The following SLC52A3 variants were observed in gnomAD, a reference collection of about 807,000 sequenced individuals.
SLC52A3 encodes the protein solute carrier family 52 member 3, also known as solute carrier family 52, riboflavin transporter, member 3.
Under a neutral mutation model 29.5 loss-of-function variants are expected in SLC52A3, and 20 were observed. That is an observed-to-expected ratio of 0.68 (90% CI 0.48 to 0.99). SLC52A3 has a LOEUF of 0.99. Among genes scored for constraint, SLC52A3 ranks in the 50% least tolerant of loss-of-function variants. SLC52A3 has a pLI of 0.00. For missense variants in SLC52A3, 548 were observed against 612.9 expected (o/e 0.89, Z 1.12); for synonymous variants, 301 against 271.0 (o/e 1.11, Z -1.09).
upstream of SLC52A3, among the ~76,000 whole-genome samples, chr20:772,753 A>G (rs1450132970): frequency 6.6e-6 from 1 of 152,236 alleles, no homozygotes; most frequent in East Asian, 1.9e-4. Flanking sequence ...AATAAAAAAC[A>G]GAAACATAGA....
At chr20:770,279 C>T (rs549856419), upstream of SLC52A3, among the ~76,000 whole-genome samples, 2 of 151,836 alleles carry the variant, frequency 1.3e-5, no homozygotes, top group Non-Finnish European at 2.9e-5. The surrounding 1 kb of genome is among the most constrained non-coding windows in gnomAD (Gnocchi z 4.5). Flanking sequence ...GCCTCAGTCT[C>T]CTTAGTAGCT....
upstream of SLC52A3, among the ~76,000 whole-genome samples, chr20:770,572 C>T (rs903404017): frequency 3.3e-5 from 5 of 152,180 alleles, no homozygotes; most frequent in African/African-American, 4.8e-5. The surrounding 1 kb of genome is among the most constrained non-coding windows in gnomAD (Gnocchi z 4.5). Context: ...ATTCATCAAA[C>T]GAATCTTTGG....
chr20:770,089 C>T (rs1268872663), upstream of SLC52A3, among the ~76,000 whole-genome samples: 1 of 151,842 alleles, frequency 6.6e-6, no homozygotes, highest in Non-Finnish European at 1.5e-5. This position sits in a 1 kb window ranked among gnomAD's most constrained non-coding sequence, Gnocchi z 4.5. Context: ...CAGCTCGTTG[C>T]CAGCACTCAT....
At chr20:775,064 T>A (rs1568734584) in intron 1 of SLC52A3, among the ~76,000 whole-genome samples, 1 of 152,090 alleles carries the variant, frequency 6.6e-6, no homozygotes, top group Non-Finnish European at 1.5e-5. Flanking sequence ...TCTTCCCCCT[T>A]CTCCTCCCTC....
rs755699363 is a variant in SLC52A3, at chr20:760,828, T to C, written c.*198A>G. ...GGAGATCTGAGCTGGTCGTCACAGG[T>C]AGTGTGACACAGAGTTGGGGATAGA... On this transcript the variant is annotated 3_prime_UTR_variant, in exon 5 of 5. Coordinates refer to ENST00000645534, the MANE Select transcript of SLC52A3 (RefSeq NM_033409.4). This position sits in a 1 kb window ranked among gnomAD's most constrained non-coding sequence, Gnocchi z 4.9. 1.3e-5 allele frequency: 8 copies of C among 606,346 alleles called. No individual in the cohort carries two copies. The highest frequency in any genetic ancestry group is 1.8e-5 in the Non-Finnish European group (6 of 342,178). 37.6% of individuals were successfully genotyped at this position (606,346 alleles called of 1,614,324 possible). A position where few individuals can be genotyped will look rare whatever the true frequency, so the allele number is the denominator to read the frequency against.
rs1418663109 is a variant in SLC52A3 at position 763,953 on chromosome 20, C to T, written c.618G>A (p.Leu206=). 2.5e-6 allele frequency: 4 copies of T among 1,611,256 alleles called. No individual in the cohort carries two copies. In the Admixed American group the frequency reaches 5.0e-5, roughly 20 times the overall value. Residue 206 remains leucine (L), a synonymous_variant, in exon 3 of 5, where the codon TTG becomes TTA. Coordinates refer to ENST00000645534, the MANE Select transcript of SLC52A3 (RefSeq NM_033409.4). ...GAAGGTAGCGGCTCTCCAGGTGGGACAAGGGTGCTTCCATTCCGGGGAGGG... is the reference window on the plus strand; with the variant it reads ...GAAGGTAGCGGCTCTCCAGGTGGGATAAGGGTGCTTCCATTCCGGGGAGGG... ...VSALPGMEAP[L]SHLESRYLPA...
Position 764,230 on chromosome 20 carries a change from G to A in SLC52A3, c.568-227C>T, listed in dbSNP as rs6140117. Among the ~76,000 whole-genome samples, 85,170 of 152,130 alleles carry A rather than the reference G, an allele frequency of 0.56. 25,021 individuals carry two copies. Among genetic ancestry groups the A allele is most frequent in the East Asian group, 0.78 (4,053 of 5,174 alleles). On this transcript the variant is annotated intron_variant, in intron 2 of 4. Transcript: ENST00000645534. Reference sequence around the variant, plus strand: ...GCCTCCTAACAGGGCTGCACAGTGGGCACCATCATCCCCCATTTTAGAGGG... The same window carrying A: ...GCCTCCTAACAGGGCTGCACAGTGGACACCATCATCCCCCATTTTAGAGGG...
chr20:760,768 C>T lies in SLC52A3; in HGVS notation c.*258G>A. On this transcript the variant is annotated 3_prime_UTR_variant, in exon 5 of 5. Transcript: ENST00000645534. The surrounding 1 kb of genome is among the most constrained non-coding windows in gnomAD (Gnocchi z 4.9). ...CCTTGGGCCTGCCTCCAGCTAGATG[C>T]TGCAAATCAGTCCTCTCTTGAGAGT... 1.8e-6 allele frequency: 1 copy of T among 546,356 alleles called. No homozygotes were observed. The highest frequency in any genetic ancestry group is 3.3e-6 in the Non-Finnish European group (1 of 306,690). The allele number at this position is 546,356 out of a possible 1,614,324, so 33.8% of individuals were successfully genotyped here.
chr20:761,544 A>G, intron 4 of SLC52A3, 157 bp downstream of exon 4: 1 of 1,114,344 alleles, frequency 9.0e-7, no homozygotes, highest in Non-Finnish European at 1.3e-6. Flanking sequence ...CTAAGCCTCC[A>G]CTCCCAAATG....
Position 765,475 on chromosome 20 carries a change from C to T in SLC52A3, c.300G>A (p.Leu100=). 6.2e-7 allele frequency: 1 copy of T among 1,601,506 alleles called. No homozygotes were observed. Among genetic ancestry groups the T allele is most frequent in the Non-Finnish European group, 8.5e-7 (1 of 1,174,028 alleles). Residue 100 remains leucine, a synonymous_variant, in exon 2 of 5, where the codon CTG becomes CTA. Transcript: ENST00000645534. The surrounding 1 kb of genome is among the most constrained non-coding windows in gnomAD (Gnocchi z 6.6). ...AFLWNMTSWV[L]DGHHSIAFLV... ...AGAAGGCGATGCTGTGGTGGCCGTC[C>T]AGCACCCAGGAGGTCATATTCCAGA...
chr20:772,388 T>G (rs983930053), upstream of SLC52A3, among the ~76,000 whole-genome samples: 1 of 152,140 alleles, frequency 6.6e-6, no homozygotes, highest in African/African-American at 2.4e-5. Context: ...ACTCCCAAAT[T>G]ATCTCCTTCC....
chr20:761,325 A>G (rs1238386716), intron 4 of SLC52A3, 87 bp from the exon 5 acceptor site: 2 of 1,368,710 alleles, frequency 1.5e-6, no homozygotes, highest in Non-Finnish European at 2.0e-6. Flanking sequence ...GCTCAGGGGA[A>G]CCCACGGAAT....
At position 773,930 on chromosome 20, in the gene SLC52A3, C is replaced by T. The variant is rs183624051; in HGVS notation, c.-238+2025G>A. Among the ~76,000 whole-genome samples the T allele has an allele frequency of 1.5e-4, 23 of 152,244 alleles. No homozygotes were observed. The East Asian group carries it at 4.4e-3, about 29-fold the overall frequency. Reference sequence around the variant, plus strand: ...GCAGCTTCCATCCCACCCAATGTCCCCCGCCCCCCTCCACATTCTCCTGCC... The same window carrying T: ...GCAGCTTCCATCCCACCCAATGTCCTCCGCCCCCCTCCACATTCTCCTGCC... On this transcript the variant is annotated intron_variant, in intron 1 of 5. Transcript: ENST00000217254.
At chr20:778,956 T>A (rs1987141436), upstream of SLC52A3, among the ~76,000 whole-genome samples, 1 of 152,116 alleles carries the variant, frequency 6.6e-6, no homozygotes, top group African/African-American at 2.4e-5. Context: ...TATAACTCAA[T>A]CCAAACAGAA....
At chr20:776,854 T>TC (rs199979225), upstream of SLC52A3, among the ~76,000 whole-genome samples, 203 of 112,348 alleles carry the variant, frequency 1.8e-3, no homozygotes, top group African/African-American at 5.1e-3. Context: ...CTGAATCGCT[T>TC]TTGGGGGGGG....
In SLC52A3 at chr20:761,715, C is replaced by T; in HGVS notation, c.1183G>A (p.Gly395Arg). Residue 395 changes from glycine (G) to arginine (R), a missense_variant, in exon 4 of 5, where the codon GGG becomes AGG. This residue lies in a region of SLC52A3 where 173 missense variants were observed against 141.8 expected (regional missense o/e 1.22). Coordinates refer to ENST00000645534, the MANE Select transcript of SLC52A3 (RefSeq NM_033409.4). ...CGGATACTCACAATGAGGACTTCCCCACCCCAGTGGCCCTGCAAGAGGGGG... is the reference window on the plus strand; with the variant it reads ...CGGATACTCACAATGAGGACTTCCCTACCCCAGTGGCCCTGCAAGAGGGGG... ...PCPLLQGHWG[G>R]EVLIVASWVL... The T allele has an allele frequency of 6.2e-7, 1 of 1,613,914 alleles. No individual in the cohort carries two copies. Among genetic ancestry groups the T allele is most frequent in the Non-Finnish European group, 8.5e-7 (1 of 1,179,978 alleles).
upstream of SLC52A3, among the ~76,000 whole-genome samples, chr20:772,322 C>T (rs1229608535): frequency 2.0e-5 from 3 of 152,206 alleles, no homozygotes; most frequent in East Asian, 5.8e-4. Flanking sequence ...TGTCTGGAAA[C>T]CAGGCACAGT....
At chr20:777,506 G>A (rs1987093871), upstream of SLC52A3, among the ~76,000 whole-genome samples, 1 of 152,186 alleles carries the variant, frequency 6.6e-6, no homozygotes, top group Non-Finnish European at 1.5e-5. Context: ...TAAGTGCAGG[G>A]CCAGGATGTG....
At chr20:761,572 C>T in intron 4 of SLC52A3, 129 bp downstream of exon 4, 1 of 1,421,216 alleles carries the variant, frequency 7.0e-7, no homozygotes, top group South Asian at 1.3e-5. Context: ...GGCGCTTCCC[C>T]CACCTGGGGC....
Sources: gnomAD v4.1 joint callset for allele counts (sites outside exome capture counted in the v4.1 genomes callset) on GRCh38, gnomAD v4.1.1 for gene constraint, gnomAD v4.1.1 regional missense constraint, Gnocchi (gnomAD v3.1) non-coding constraint, MANE v1.5 for transcripts, NCBI Gene and HGNC (gene_info 2026-07-23, HGNC 2026-07-21) for gene names.